The following ERC1 variants were observed in gnomAD, a reference collection of about 807,000 sequenced individuals.
ERC1 encodes the protein ELKS/RAB6-interacting/CAST family member 1, also known as RAB6 interacting protein 2.
A neutral mutation model predicts 132.0 loss-of-function variants in ERC1; 56 were observed. That is an observed-to-expected ratio of 0.42 (90% confidence interval 0.34 to 0.53). The LOEUF (loss-of-function observed/expected upper bound fraction) is 0.53. Ranked by LOEUF, ERC1 falls within the 20% of genes least tolerant of loss-of-function variation. ERC1 has a pLI of 0.03. For missense variants in ERC1, 1,202 were observed against 1,349.9 expected (o/e 0.89, Z 1.72); for synonymous variants, 478 against 476.1 (o/e 1.00, Z -0.05).
intron 1 of ERC1, among the ~76,000 whole-genome samples, chr12:1,006,772 C>G (rs546984457): frequency 6.6e-6 from 1 of 152,136 alleles, no homozygotes; most frequent in East Asian, 1.9e-4. Flanking sequence ...GATCTTCTGT[C>G]TTGGCCTCCG....
intron 16 of ERC1, among the ~76,000 whole-genome samples, chr12:1,392,627 A>C (rs528464853): frequency 1.5e-4 from 23 of 152,324 alleles, no homozygotes; most frequent in African/African-American, 5.3e-4. Context: ...TTCATTTCTT[A>C]TCAGAATCAA....
chr12:1,275,672 C>T (rs11061680), intron 14 of ERC1, among the ~76,000 whole-genome samples: 9,632 of 152,150 alleles, frequency 0.063, 487 homozygotes, highest in South Asian at 0.15. Context: ...GATTTCTACG[C>T]TTCTTATCAC....
At chr12:1,262,080 C>A (rs547835850) in intron 13 of ERC1, among the ~76,000 whole-genome samples, 1 of 152,142 alleles carries the variant, frequency 6.6e-6, no homozygotes, top group Non-Finnish European at 1.5e-5. Flanking sequence ...TCTTGGATAT[C>A]TTTTCCTGAT....
intron 15 of ERC1, among the ~76,000 whole-genome samples, chr12:1,368,598 A>T (rs943896575): frequency 7.2e-5 from 11 of 152,200 alleles, no homozygotes; most frequent in Non-Finnish European, 1.6e-4. Context: ...GAGATGGATT[A>T]GAGGAACAGC....
At chr12:1,279,789 G>A (rs922719554) in intron 14 of ERC1, among the ~76,000 whole-genome samples, 5 of 151,828 alleles carry the variant, frequency 3.3e-5, no homozygotes, top group African/African-American at 4.8e-5. Context: ...TCCGCGTCCC[G>A]GGTTCAAGCA....
chr12:1,009,419 C>T (rs955750717), intron 1 of ERC1, among the ~76,000 whole-genome samples: 8 of 152,154 alleles, frequency 5.3e-5, no homozygotes, highest in African/African-American at 1.7e-4. Flanking sequence ...CGTGATCCGC[C>T]CACCTCGGCC....
intron 17 of ERC1, among the ~76,000 whole-genome samples, chr12:1,439,798 C>T (rs1013886869): frequency 3.9e-5 from 6 of 152,170 alleles, no homozygotes; most frequent in Admixed American, 2.0e-4. Flanking sequence ...TCTCTTTCTA[C>T]TTGGCAAATG....
chr12:1,344,026 A>G, intron 15 of ERC1, among the ~76,000 whole-genome samples: 1 of 152,122 alleles, frequency 6.6e-6, no homozygotes, highest in East Asian at 1.9e-4. Flanking sequence ...TATTTTTAGT[A>G]GAGACGGGGT....
intron 17 of ERC1, among the ~76,000 whole-genome samples, chr12:1,411,345 A>T (rs1459841723): frequency 6.6e-6 from 1 of 151,666 alleles, no homozygotes; most frequent in Non-Finnish European, 1.5e-5. Context: ...CAGTGATCTC[A>T]CTCCCCTGGA....
At position 1,492,571 on chromosome 12, in the gene ERC1, C is replaced by T; in HGVS notation, c.*2341C>T. 4.3e-6 allele frequency: 1 copy of T among 233,248 alleles called. No individual in the cohort carries two copies. Among genetic ancestry groups the T allele is most frequent in the Non-Finnish European group, 8.5e-6 (1 of 118,022 alleles). The allele number at this position is 233,248 out of a possible 1,614,324, so 14.4% of individuals were successfully genotyped here. On this transcript the variant is annotated 3_prime_UTR_variant, in exon 19 of 19. Coordinates refer to ENST00000360905, the MANE Select transcript of ERC1 (RefSeq NM_178040.4). ...CTGGGTGTGTCACTCTCCTCTTCAT[C>T]TCAGCATTCTCCATCACTTCCCCTC...
chr12:1,487,777 G>A (rs112653450), intron 18 of ERC1, among the ~76,000 whole-genome samples: 1 of 35,976 alleles, frequency 2.8e-5, no homozygotes, highest in African/African-American at 6.0e-5. Context: ...GGGAGGGAGG[G>A]AGGAAGGAAG....
At chr12:1,281,189 C>T (rs552433065) in intron 14 of ERC1, among the ~76,000 whole-genome samples, 1 of 151,978 alleles carries the variant, frequency 6.6e-6, no homozygotes, top group African/African-American at 2.4e-5. Flanking sequence ...TGCTGTTTTC[C>T]GAATAAAATG....
At chr12:1,119,844 C>T (rs1449701447) in intron 7 of ERC1, among the ~76,000 whole-genome samples, 1 of 152,088 alleles carries the variant, frequency 6.6e-6, no homozygotes, top group Non-Finnish European at 1.5e-5. Context: ...GCCACCGCAT[C>T]CATTCAGGAG....
intron 17 of ERC1, among the ~76,000 whole-genome samples, chr12:1,416,711 T>C (rs925879692): frequency 2.0e-5 from 3 of 152,230 alleles, no homozygotes; most frequent in Non-Finnish European, 2.9e-5. Flanking sequence ...TGGAACCAGA[T>C]TACTTGGTTT....
intron 18 of ERC1, among the ~76,000 whole-genome samples, chr12:1,445,213 G>A (rs1438678774): frequency 7.2e-6 from 1 of 139,132 alleles, no homozygotes; most frequent in East Asian, 2.1e-4. Flanking sequence ...TCAGCATGTT[G>A]TACAGTAGAT....
At chr12:1,243,318 T>C (rs1011478947) in intron 13 of ERC1, among the ~76,000 whole-genome samples, 3 of 152,222 alleles carry the variant, frequency 2.0e-5, no homozygotes, top group Non-Finnish European at 4.4e-5. Context: ...CTGTGGATTT[T>C]CATATTCCAG....
intron 13 of ERC1, among the ~76,000 whole-genome samples, chr12:1,258,270 T>G (rs1476475007): frequency 6.6e-6 from 1 of 152,168 alleles, no homozygotes; most frequent in African/African-American, 2.4e-5. Flanking sequence ...TAGTACATAG[T>G]ATATGTAGAT....
At chr12:1,431,783 A>G (rs2092804565) in intron 17 of ERC1, among the ~76,000 whole-genome samples, 1 of 152,248 alleles carries the variant, frequency 6.6e-6, no homozygotes, top group South Asian at 2.1e-4. Flanking sequence ...TTGGAAAATT[A>G]TAAGAATTTC....
intron 14 of ERC1, among the ~76,000 whole-genome samples, chr12:1,264,452 C>G (rs2077348257): frequency 1.3e-5 from 2 of 152,142 alleles, no homozygotes; most frequent in Admixed American, 1.3e-4. Flanking sequence ...CACTTGAGGT[C>G]AGGAGATCGA....
Sources: allele counts gnomAD v4.1 joint callset (sites outside exome capture counted in the v4.1 genomes callset), GRCh38; gene constraint gnomAD v4.1.1; transcripts MANE v1.5; gene names NCBI Gene and HGNC (gene_info 2026-07-23, HGNC 2026-07-21).